ST6GALNAC3: variants seen among roughly 807,000 people sequenced by gnomAD.
The protein encoded by ST6GALNAC3 is alpha-N-acetylgalactosaminide alpha-2,6-sialyltransferase 3.
ST6GALNAC3 carries 25 observed loss-of-function variants against 32.7 expected under a neutral mutation model. The observed-to-expected ratio is 0.76, with a 90% CI of 0.56 to 1.07. ST6GALNAC3 has a LOEUF of 1.07. ST6GALNAC3 is among the 50% of genes least tolerant of loss of function. ST6GALNAC3 has a pLI of 0.00. For synonymous variants in ST6GALNAC3, 129 were observed against 133.1 expected (o/e 0.97, Z 0.21); for missense variants, 355 against 382.4 (o/e 0.93, Z 0.60).
intron 1 of ST6GALNAC3, among the ~76,000 whole-genome samples, chr1:76,126,440 C>A (rs28667832): frequency 3.4e-5 from 5 of 147,350 alleles, no homozygotes; most frequent in Non-Finnish European, 7.4e-5. Context: ...TCCTTCCTTC[C>A]TTCCTTCCTT....
chr1:76,378,966 G>T (rs1651484598), intron 2 of ST6GALNAC3, among the ~76,000 whole-genome samples: 2 of 152,096 alleles, frequency 1.3e-5, no homozygotes, highest in South Asian at 4.1e-4. Context: ...GCGCGATCTT[G>T]GCTCACTGCA....
At chr1:76,338,921 A>G (rs1055678115) in intron 2 of ST6GALNAC3, among the ~76,000 whole-genome samples, 4 of 152,166 alleles carry the variant, frequency 2.6e-5, no homozygotes, top group Non-Finnish European at 5.9e-5. Flanking sequence ...AGTCAAGATG[A>G]GTGTATAGTA....
intron 1 of ST6GALNAC3, among the ~76,000 whole-genome samples, chr1:76,096,517 G>A (rs552142732): frequency 1.3e-5 from 2 of 151,794 alleles, no homozygotes; most frequent in African/African-American, 4.8e-5. Flanking sequence ...AGTCCTTCAC[G>A]CTGTAAAGCC....
At chr1:76,504,052 A>T (rs1168670476) in intron 3 of ST6GALNAC3, among the ~76,000 whole-genome samples, 1 of 152,192 alleles carries the variant, frequency 6.6e-6, no homozygotes, top group East Asian at 1.9e-4. Flanking sequence ...GCTGCCATAG[A>T]AAATTCGGTG....
intron 2 of ST6GALNAC3, among the ~76,000 whole-genome samples, chr1:76,343,841 C>T (rs1433206974): frequency 6.6e-6 from 1 of 152,038 alleles, no homozygotes; most frequent in Non-Finnish European, 1.5e-5. Context: ...GATAAACATG[C>T]TAGTGAAAAA....
intron 1 of ST6GALNAC3, among the ~76,000 whole-genome samples, chr1:76,254,694 G>A (rs758727758): frequency 5.3e-5 from 8 of 151,836 alleles, no homozygotes; most frequent in Non-Finnish European, 7.4e-5. Context: ...AAACTGTCTC[G>A]GATTATACAT....
intron 1 of ST6GALNAC3, among the ~76,000 whole-genome samples, chr1:76,164,489 T>C (rs114391487): frequency 0.022 from 3,344 of 152,278 alleles, 116 homozygotes; most frequent in African/African-American, 0.077. Context: ...AAAAATACTC[T>C]GTTTTTTACA....
At chr1:76,217,147 A>G (rs1174857769) in intron 1 of ST6GALNAC3, among the ~76,000 whole-genome samples, 1 of 152,228 alleles carries the variant, frequency 6.6e-6, no homozygotes, top group Non-Finnish European at 1.5e-5. Context: ...CGAAAAACTT[A>G]AACCTCTTTC....
rs143968763 is a variant in ST6GALNAC3, at chr1:76,232,635, T to C, written c.19-81170T>C. Among the ~76,000 whole-genome samples, 122 of 152,350 alleles carry C rather than the reference T, an allele frequency of 8.0e-4. 1 individual carries two copies. Among genetic ancestry groups the C allele is most frequent in the African/African-American group, 2.8e-3 (115 of 41,596 alleles). ...CTTCCCTCAGATAGCGGGGCTGTTG[T>C]TGAACTGTATCACAGCTCCCTGTCC... On this transcript the variant is annotated intron_variant, in intron 1 of 4. Transcript: ENST00000328299.
chr1:76,334,239 C>T (rs973439134), intron 2 of ST6GALNAC3, among the ~76,000 whole-genome samples: 1 of 152,204 alleles, frequency 6.6e-6, no homozygotes, highest in Non-Finnish European at 1.5e-5. Context: ...ATTTACACCA[C>T]TTATGATATT....
intron 3 of ST6GALNAC3, among the ~76,000 whole-genome samples, chr1:76,541,903 T>C (rs1019565883): frequency 3.3e-5 from 5 of 152,166 alleles, no homozygotes; most frequent in African/African-American, 1.2e-4. Flanking sequence ...CATTACAAGT[T>C]TTCAGCTACA....
At chr1:76,256,662 T>C (rs968861868) in intron 1 of ST6GALNAC3, among the ~76,000 whole-genome samples, 3 of 152,046 alleles carry the variant, frequency 2.0e-5, no homozygotes, top group Admixed American at 2.0e-4. Flanking sequence ...TATTATGTGT[T>C]CACGGGATGA....
At chr1:76,383,068 G>A (rs906523296) in intron 2 of ST6GALNAC3, among the ~76,000 whole-genome samples, 3 of 152,162 alleles carry the variant, frequency 2.0e-5, no homozygotes, top group African/African-American at 7.2e-5. Flanking sequence ...TCCTGAAGCT[G>A]CTGCCTTTTC....
At chr1:76,341,288 G>A (rs1647949604) in intron 2 of ST6GALNAC3, among the ~76,000 whole-genome samples, 1 of 151,790 alleles carries the variant, frequency 6.6e-6, no homozygotes, top group African/African-American at 2.4e-5. Context: ...GCTCCTGCTT[G>A]TAAGTGAGAA....
At chr1:76,586,300 A>T (rs1646961809) in intron 3 of ST6GALNAC3, among the ~76,000 whole-genome samples, 1 of 152,154 alleles carries the variant, frequency 6.6e-6, no homozygotes, top group Non-Finnish European at 1.5e-5. Context: ...TGCGGAGTGA[A>T]TATTACCTCT....
At chr1:76,319,089 A>G (rs1646920255) in intron 2 of ST6GALNAC3, among the ~76,000 whole-genome samples, 1 of 152,194 alleles carries the variant, frequency 6.6e-6, no homozygotes, top group African/African-American at 2.4e-5. Flanking sequence ...GGTGATCAAT[A>G]GGATGCCAAG....
chr1:76,506,630 T>C (rs1436834677), intron 3 of ST6GALNAC3, among the ~76,000 whole-genome samples: 1 of 152,210 alleles, frequency 6.6e-6, no homozygotes, highest in Non-Finnish European at 1.5e-5. Flanking sequence ...CCAAGACACA[T>C]TTATACTTGA....
intron 2 of ST6GALNAC3, among the ~76,000 whole-genome samples, chr1:76,344,886 C>G (rs1045600941): frequency 6.6e-6 from 1 of 152,152 alleles, no homozygotes; most frequent in African/African-American, 2.4e-5. Context: ...TAATGTTTCT[C>G]TACTGCCCTG....
rs113446466 is a variant in ST6GALNAC3 at position 76,253,406 on chromosome 1, A to G, written c.19-60399A>G. Among the ~76,000 whole-genome samples, 557 of 152,250 alleles carry G rather than the reference A, an allele frequency of 3.7e-3. 2 individuals carry two copies. Among genetic ancestry groups the G allele is most frequent in the African/African-American group, 0.013 (529 of 41,560 alleles). ...TGCATGAAGATGGAGGCGCTCATTT[A>G]TAATGTGAAGCCTTTCACCGTTAAA... On this transcript the variant is annotated intron_variant, in intron 1 of 4. Coordinates refer to ENST00000328299, the MANE Select transcript of ST6GALNAC3 (RefSeq NM_152996.4).
Sources: allele counts gnomAD v4.1 joint callset (sites outside exome capture counted in the v4.1 genomes callset), GRCh38; gene constraint gnomAD v4.1.1; transcripts MANE v1.5; gene names NCBI Gene and HGNC (gene_info 2026-07-23, HGNC 2026-07-21).